The following PRKAG3 variants were observed in gnomAD, a reference collection of about 807,000 sequenced individuals.
PRKAG3 encodes the protein 5'-AMP-activated protein kinase subunit gamma-3.
A neutral mutation model predicts 56.5 loss-of-function variants in PRKAG3; 39 were observed. The observed-to-expected ratio is 0.69, with a 90% confidence interval of 0.53 to 0.90. The LOEUF (loss-of-function observed/expected upper bound fraction) is 0.90. PRKAG3 is among the 40% of genes least tolerant of loss of function. The pLI is 0.00. For missense variants in PRKAG3, 628 were observed against 627.5 expected (o/e 1.00, Z -0.01); for synonymous variants, 243 against 250.1 (o/e 0.97, Z 0.27).
rs767305008 is a variant in PRKAG3 at position 218,829,928 on chromosome 2, C to T, written c.633+50G>A. The T allele has an allele frequency of 3.2e-6, 5 of 1,568,464 alleles. No individual in the cohort carries two copies. In the South Asian group the frequency reaches 5.7e-5, roughly 18 times the overall value. On this transcript the variant is annotated intron_variant, in intron 4 of 12. Transcript: ENST00000529249. ...TGCAGGGTGGGAGTGGCGGCTGCAG[C>T]ACCGTGTGGATGGAGAGTGAGTACA... is the stretch of plus-strand genomic sequence containing the variant.
At chr2:218,823,552 G>T in exon 13 of PRKAG3, 1 of 997,088 alleles carries the variant, frequency 1.0e-6, no homozygotes, top group Non-Finnish European at 1.5e-6. Context: ...TCAGCTTTGA[G>T]CTTGGCCACT....
At chr2:218,828,649 C>T (rs1943973484) in intron 4 of PRKAG3, 49 bp from the exon 5 acceptor site, 2 of 1,517,942 alleles carry the variant, frequency 1.3e-6, no homozygotes, top group South Asian at 1.2e-5. Context: ...GAGACCCTCA[C>T]CCCCCTCTCT....
At chr2:218,824,994 T>A (rs556536262) in intron 10 of PRKAG3, among the ~76,000 whole-genome samples, 1 of 152,140 alleles carries the variant, frequency 6.6e-6, no homozygotes, top group South Asian at 2.1e-4. Context: ...GGAGCTGTTA[T>A]AGATTTAAAG....
exon 12 of PRKAG3, chr2:218,824,368 G>A (rs1358567814): frequency 5.0e-6 from 8 of 1,614,120 alleles, no homozygotes; most frequent in Non-Finnish European, 6.8e-6. Flanking sequence ...GCAGCCAGGT[G>A]CTGGGGCAGA....
chr2:218,824,552 C>A (rs200507899), exon 11 of PRKAG3: 6 of 1,613,144 alleles, frequency 3.7e-6, no homozygotes, highest in Non-Finnish European at 5.1e-6. Context: ...CACATCAAAG[C>A]GGGAATAGAG....
chr2:218,822,330 T>C (rs956705559), downstream of PRKAG3: 1 of 152,222 alleles, frequency 6.6e-6, no homozygotes, highest in South Asian at 2.1e-4. Flanking sequence ...TTTTTCTTTA[T>C]GATTTTGTAA....
At chr2:218,822,905 C>A, downstream of PRKAG3, 2 of 985,516 alleles carry the variant, frequency 2.0e-6, no homozygotes, top group Non-Finnish European at 1.2e-6. Context: ...AGGGGATGGG[C>A]GGGCATGGAG....
At chr2:218,830,929 T>G (rs1467098098) in intron 2 of PRKAG3, 28 bp from the exon 3 acceptor site, 1 of 1,604,778 alleles carries the variant, frequency 6.2e-7, no homozygotes, top group Non-Finnish European at 8.5e-7. Context: ...CCTGTTTGGT[T>G]AATAGGGAGT....
intron 1 of PRKAG3, 53 bp downstream of exon 1, chr2:218,831,685 T>C: frequency 6.3e-7 from 1 of 1,592,688 alleles, no homozygotes; most frequent in Non-Finnish European, 8.5e-7. Flanking sequence ...GCCCGTGCGC[T>C]CAATCTTCTG....
intron 4 of PRKAG3, 53 bp from the exon 5 acceptor site, chr2:218,828,653 C>G: frequency 6.8e-7 from 1 of 1,479,542 alleles, no homozygotes; most frequent in South Asian, 1.2e-5. Context: ...CCCTCACCCC[C>G]CTCTCTGCCC....
In PRKAG3 at chr2:218,829,913, G is replaced by A. The variant is rs377409592; in HGVS notation, c.633+65C>T. The A allele has an allele frequency of 2.5e-4, 388 of 1,523,964 alleles. No individual in the cohort carries two copies. In the African/African-American group the frequency reaches 4.8e-3, roughly 19 times the overall value. The allele number at this position is 1,523,964 out of a possible 1,614,324, so 94.4% of individuals were successfully genotyped here. The stretch of plus-strand genomic sequence containing the variant: ...CTCAGCAGGGCATCCTGCAGGGTGG[G>A]AGTGGCGGCTGCAGCACCGTGTGGA... On this transcript the variant is annotated intron_variant, in intron 4 of 12. Transcript: ENST00000529249.
chr2:218,829,913 G>C (rs377409592), intron 4 of PRKAG3, 65 bp downstream of exon 4: 1 of 1,523,964 alleles, frequency 6.6e-7, no homozygotes, highest in South Asian at 1.2e-5. Flanking sequence ...TGCAGGGTGG[G>C]AGTGGCGGCT....
intron 10 of PRKAG3, among the ~76,000 whole-genome samples, chr2:218,826,049 G>T (rs963174385): frequency 2.6e-5 from 4 of 152,092 alleles, no homozygotes; most frequent in Non-Finnish European, 5.9e-5. Context: ...ATGAGCCACC[G>T]CCCCTGGCCA....
chr2:218,831,775 C>A, exon 1 of PRKAG3: 1 of 1,609,688 alleles, frequency 6.2e-7, no homozygotes. Context: ...CTCCATGTGG[C>A]CAGCCCCAGA....
At chr2:218,824,997 A>G (rs576667791) in intron 10 of PRKAG3, among the ~76,000 whole-genome samples, 1 of 152,306 alleles carries the variant, frequency 6.6e-6, no homozygotes, top group South Asian at 2.1e-4. Flanking sequence ...GCTGTTATAG[A>G]TTTAAAGAGA....
At position 218,827,887 on chromosome 2, in the gene PRKAG3, A is replaced by T. The variant is rs756067211; in HGVS notation, c.775-9T>A. 6.2e-7 allele frequency: 1 copy of T among 1,614,016 alleles called. No individual in the cohort carries two copies. On this transcript the variant is annotated splice_polypyrimidine_tract_variant and intron_variant, in intron 6 of 12. Coordinates refer to ENST00000529249, the Ensembl canonical transcript of PRKAG3. The surrounding 1 kb of genome is among the most constrained non-coding windows in gnomAD (Gnocchi z 5.3). ...ATCTCATAGATCTGGACCTAGAGAC[A>T]TCGACAGGACTCCAGAAGTCAGAAA... is the stretch of plus-strand genomic sequence containing the variant.
chr2:218,822,743 G>A, downstream of PRKAG3: 1 of 317,874 alleles, frequency 3.1e-6, no homozygotes, highest in Non-Finnish European at 4.5e-6. Flanking sequence ...AAATGACAAA[G>A]CCTGGAGAGT....
downstream of PRKAG3, chr2:218,823,144 C>T (rs1943879225): frequency 1.2e-6 from 1 of 820,134 alleles, no homozygotes; most frequent in Non-Finnish European, 1.5e-6. Flanking sequence ...AACAGGGGAC[C>T]CTTGCCAGCC....
At chr2:218,831,227 A>G in intron 2 of PRKAG3, 109 bp downstream of exon 2, 1 of 873,154 alleles carries the variant, frequency 1.1e-6, no homozygotes, top group Non-Finnish European at 1.8e-6. Context: ...AGAAAGACCA[A>G]AAGGAGGAAG....
Sources: gnomAD v4.1 joint callset for allele counts (sites outside exome capture counted in the v4.1 genomes callset) on GRCh38, gnomAD v4.1.1 for gene constraint, Gnocchi (gnomAD v3.1) non-coding constraint, MANE v1.5 for transcripts, NCBI Gene and HGNC (gene_info 2026-07-23, HGNC 2026-07-21) for gene names.